Variants in RNF144A observed in about 807,000 individuals in gnomAD.
RNF144A encodes ring finger protein 144A.
Under a neutral mutation model 38.7 loss-of-function variants are expected in RNF144A, and 11 were observed. That is an observed-to-expected ratio of 0.28 (90% CI 0.18 to 0.47). The LOEUF is 0.47. Ranked by LOEUF, RNF144A falls within the 20% of genes least tolerant of loss-of-function variation. The pLI is 0.99. For synonymous variants in RNF144A, 149 were observed against 143.9 expected (o/e 1.04, Z -0.25); for missense variants, 316 against 377.2 (o/e 0.84, Z 1.34).
intron 8 of RNF144A, among the ~76,000 whole-genome samples, chr2:7,038,593 G>A (rs1049695231): frequency 2.0e-5 from 3 of 152,112 alleles, no homozygotes; most frequent in South Asian, 2.1e-4. Context: ...ATGGAAAAGG[G>A]TGGAGAGAGA....
intron 2 of RNF144A, among the ~76,000 whole-genome samples, chr2:6,978,252 A>G (rs1002547316): frequency 2.2e-4 from 34 of 152,186 alleles, no homozygotes; most frequent in African/African-American, 8.0e-4. Context: ...ATGGTTGGAT[A>G]TGGTGGGTTC....
intron 3 of RNF144A, among the ~76,000 whole-genome samples, chr2:7,005,829 C>T (rs956369801): frequency 1.4e-4 from 22 of 152,042 alleles, no homozygotes; most frequent in Non-Finnish European, 8.8e-5. Context: ...GACGCTGCAG[C>T]TCAGAGACAT....
intron 8 of RNF144A, among the ~76,000 whole-genome samples, chr2:7,031,304 G>C (rs1672287510): frequency 6.6e-6 from 1 of 152,202 alleles, no homozygotes; most frequent in Admixed American, 6.5e-5. Context: ...ACTGCTGTAG[G>C]AGCTGGAGAT....
At chr2:7,004,419 T>C (rs1386018431) in intron 3 of RNF144A, among the ~76,000 whole-genome samples, 1 of 152,174 alleles carries the variant, frequency 6.6e-6, no homozygotes, top group African/African-American at 2.4e-5. Context: ...TCTGGGTCCT[T>C]AAGATGGGAT....
intron 2 of RNF144A, among the ~76,000 whole-genome samples, chr2:6,977,872 T>C (rs1668404720): frequency 6.6e-6 from 1 of 152,166 alleles, no homozygotes; most frequent in South Asian, 2.1e-4. Flanking sequence ...AAGCCTATTG[T>C]TTTAAGGAGA....
chr2:7,037,546 A>G (rs962434519), intron 8 of RNF144A, among the ~76,000 whole-genome samples: 1 of 152,242 alleles, frequency 6.6e-6, no homozygotes, highest in Non-Finnish European at 1.5e-5. Flanking sequence ...TCCACCGTTG[A>G]TATGTTGTTC....
Position 7,041,269 on chromosome 2 carries a change from T to G in RNF144A, c.*1509T>G, listed in dbSNP as rs1418806875. On this transcript the variant is annotated 3_prime_UTR_variant, in exon 9 of 9. Coordinates refer to ENST00000320892, the MANE Select transcript of RNF144A (RefSeq NM_014746.6). ...TGTTGCTTTGTGTGTGTTTGACTTC[T>G]GCATTTGAGTATCAGTCTCAGGTCC... is the stretch of plus-strand genomic sequence containing the variant. The G allele has an allele frequency of 1.0e-6, 1 of 985,678 alleles. No individual in the cohort carries two copies. Among genetic ancestry groups the G allele is most frequent in the East Asian group, 1.1e-4 (1 of 8,832 alleles). The allele number at this position is 985,678 out of a possible 1,614,324, so 61.1% of individuals were successfully genotyped here. A position where few individuals can be genotyped will look rare whatever the true frequency, so the allele number is the denominator to read the frequency against.
At chr2:6,988,988 T>C (rs1026461591) in intron 2 of RNF144A, among the ~76,000 whole-genome samples, 7 of 152,126 alleles carry the variant, frequency 4.6e-5, no homozygotes, top group Admixed American at 2.6e-4. Flanking sequence ...TGTTTGGACA[T>C]CCTCTAGCTC....
chr2:7,042,370 A>G lies in RNF144A; in HGVS notation c.*2610A>G. On this transcript the variant is annotated 3_prime_UTR_variant, in exon 9 of 9. Transcript: ENST00000320892. ...GGACTTATTCCTGTGAAGCGGCATA[A>G]TTTGTCTCCATTGAAAAATGGCATT... 1 of 985,444 alleles carries G rather than the reference A, an allele frequency of 1.0e-6. No homozygotes were observed. Among genetic ancestry groups the G allele is most frequent in the Non-Finnish European group, 1.2e-6 (1 of 829,946 alleles). 61.0% of individuals were successfully genotyped at this position (985,444 alleles called of 1,614,324 possible).
chr2:7,010,735 G>GC (rs1670742363), intron 3 of RNF144A, among the ~76,000 whole-genome samples: 1 of 151,936 alleles, frequency 6.6e-6, no homozygotes, highest in Non-Finnish European at 1.5e-5. Flanking sequence ...CTTTTTTCCT[G>GC]CAATGCCTTT....
chr2:6,956,285 C>G (rs1201925986), intron 2 of RNF144A, among the ~76,000 whole-genome samples: 2 of 152,048 alleles, frequency 1.3e-5, no homozygotes, highest in Non-Finnish European at 1.5e-5. Context: ...TAGCCACTTA[C>G]TTTCCTGTAA....
At chr2:7,021,828 C>T (rs937305682) in intron 6 of RNF144A, among the ~76,000 whole-genome samples, 1 of 152,254 alleles carries the variant, frequency 6.6e-6, no homozygotes, top group Non-Finnish European at 1.5e-5. Context: ...TTCACGTGTA[C>T]TTGGCATCTT....
chr2:7,042,024 G>A lies in RNF144A; in HGVS notation c.*2264G>A. The stretch of plus-strand genomic sequence containing the variant: ...AGATAGGGACCACAGAGATTCTGGG[G>A]CCAGCCAGGGGCAGTCAAATTGGCA... On this transcript the variant is annotated 3_prime_UTR_variant, in exon 9 of 9. Coordinates refer to ENST00000320892, the MANE Select transcript of RNF144A (RefSeq NM_014746.6). 2 of 985,388 alleles carry A rather than the reference G, an allele frequency of 2.0e-6. No individual in the cohort carries two copies. Among genetic ancestry groups the A allele is most frequent in the Non-Finnish European group, 2.4e-6 (2 of 829,920 alleles). The allele number at this position is 985,388 out of a possible 1,614,324, so 61.0% of individuals were successfully genotyped here. A position where few individuals can be genotyped will look rare whatever the true frequency, so the allele number is the denominator to read the frequency against.
intron 2 of RNF144A, among the ~76,000 whole-genome samples, chr2:6,957,031 T>C (rs1290351478): frequency 6.6e-6 from 1 of 152,158 alleles, no homozygotes; most frequent in Non-Finnish European, 1.5e-5. Flanking sequence ...TGCAGCCTCA[T>C]TTACTCTTAG....
At chr2:7,029,759 G>A (rs1319714984) in intron 7 of RNF144A, among the ~76,000 whole-genome samples, 1 of 152,246 alleles carries the variant, frequency 6.6e-6, no homozygotes, top group Non-Finnish European at 1.5e-5. Context: ...GAGCAGCAGT[G>A]ACCTGCGTGT....
intron 1 of RNF144A, among the ~76,000 whole-genome samples, chr2:6,930,719 A>G (rs915440949): frequency 1.3e-5 from 2 of 152,052 alleles, no homozygotes; most frequent in African/African-American, 4.8e-5. Flanking sequence ...AGCCTCCTGA[A>G]TAGCTGGGAC....
At chr2:7,013,675 A>G (rs1201208615) in intron 3 of RNF144A, among the ~76,000 whole-genome samples, 1 of 152,176 alleles carries the variant, frequency 6.6e-6, no homozygotes, top group Non-Finnish European at 1.5e-5. Flanking sequence ...GCTGTTTATA[A>G]TATGCTTTTC....
chr2:6,999,251 G>T (rs754578241), intron 3 of RNF144A, among the ~76,000 whole-genome samples: 1 of 152,162 alleles, frequency 6.6e-6, no homozygotes, highest in Non-Finnish European at 1.5e-5. Context: ...ACCTCTGTCC[G>T]TAGCTCACTG....
chr2:6,959,796 C>A (rs992568467), intron 2 of RNF144A, among the ~76,000 whole-genome samples: 2 of 152,186 alleles, frequency 1.3e-5, no homozygotes, highest in Non-Finnish European at 2.9e-5. Context: ...ACCACCCCCC[C>A]CATACTGTTT....
Sources: gnomAD v4.1 joint callset for allele counts (sites outside exome capture counted in the v4.1 genomes callset) on GRCh38, gnomAD v4.1.1 for gene constraint, MANE v1.5 for transcripts, NCBI Gene and HGNC (gene_info 2026-07-23, HGNC 2026-07-21) for gene names.